Variants in NES observed in about 807,000 individuals in gnomAD.
The protein encoded by NES is nestin.
Under a neutral mutation model 35.6 loss-of-function variants are expected in NES, and 27 were observed. The observed-to-expected ratio is 0.76, with a 90% CI of 0.56 to 1.04. The LOEUF is 1.04. NES is among the 50% of genes least tolerant of loss of function. NES has a pLI of 0.00. For synonymous variants in NES, 822 were observed against 824.2 expected, an observed-to-expected ratio of 1.00 and a Z score of 0.04; for missense variants, 1,867 against 1,983.6, an observed-to-expected ratio of 0.94 and a Z score of 1.12.
chr1:156,671,899 T>C lies in NES; in HGVS notation c.2289A>G (p.Gln763=). 6.2e-7 allele frequency: 1 copy of C among 1,614,106 alleles called. No homozygotes were observed. Among genetic ancestry groups the C allele is most frequent in the Non-Finnish European group, 8.5e-7 (1 of 1,179,996 alleles). ...ETLRTLEKET[Q]QRRRSLGEQD... ...GTTCCCCTAGAGACCTCCGTCGCTGTTGAGTCTCTTTTTCAAGAGTTCTCA... is the reference window on the plus strand; with the variant it reads ...GTTCCCCTAGAGACCTCCGTCGCTGCTGAGTCTCTTTTTCAAGAGTTCTCA... The change falls in exon 4 of 4, where the codon CAA becomes CAG. Residue 763 remains glutamine, a synonymous_variant. Transcript: ENST00000368223.
Position 156,670,963 on chromosome 1 carries a change from A to G in NES, c.3225T>C (p.Gly1075=). The change falls in exon 4 of 4, where the codon GGT becomes GGC. Residue 1075 remains glycine (G), a synonymous_variant. Coordinates refer to ENST00000368223, the MANE Select transcript of NES (RefSeq NM_006617.2). The stretch of plus-strand genomic sequence containing the variant: ...ACATGACCTCTGGGGAGGCTTGGTC[A>G]CCCCCTGGGGCCACATCATCTTCCA... The part of the protein sequence containing the change: ...PLVEDDVAPG[G]DQASPEVMLG... 6.2e-7 allele frequency: 1 copy of G among 1,607,156 alleles called. No homozygotes were observed. Among genetic ancestry groups the G allele is most frequent in the Non-Finnish European group, 8.5e-7 (1 of 1,178,200 alleles).
At position 156,669,135 on chromosome 1, in the gene NES, C is replaced by T; in HGVS notation, c.*187G>A. Reference sequence around the variant, plus strand: ...GGGTGGGAGGTTATATTCCTACAGCCTCCATTCTTGGAGTAGGCTCCTTTG... The same window carrying T: ...GGGTGGGAGGTTATATTCCTACAGCTTCCATTCTTGGAGTAGGCTCCTTTG... On this transcript the variant is annotated 3_prime_UTR_variant, in exon 4 of 4. Coordinates refer to ENST00000368223, the MANE Select transcript of NES (RefSeq NM_006617.2). The T allele has an allele frequency of 2.1e-6, 1 of 478,194 alleles. No homozygotes were observed. The highest frequency in any genetic ancestry group is 3.7e-6 in the Non-Finnish European group (1 of 272,720). The allele number at this position is 478,194 out of a possible 1,614,324, so 29.6% of individuals were successfully genotyped here. A position where few individuals can be genotyped will look rare whatever the true frequency, so the allele number is the denominator to read the frequency against.
intron 2 of NES, among the ~76,000 whole-genome samples, chr1:156,674,967 G>A (rs752621410): frequency 5.3e-5 from 8 of 152,196 alleles, no homozygotes; most frequent in Non-Finnish European, 8.8e-5. Flanking sequence ...AGGCTGTCCC[G>A]CTCGGCAATA....
chr1:156,669,561 C>A lies in NES; in HGVS notation c.4627G>T (p.Glu1543Ter). 6.2e-7 allele frequency: 1 copy of A among 1,613,678 alleles called. No individual in the cohort carries two copies. The highest frequency in any genetic ancestry group is 8.5e-7 in the Non-Finnish European group (1 of 1,179,678). ...IGVNGQGPNL[E>*]GKSQHVNGGV... ...CCATTCACATGCTGTGACTTCCCCTCCAAGTTGGGACCCTGGCCATTAACA... is the reference window on the plus strand; with the variant it reads ...CCATTCACATGCTGTGACTTCCCCTACAAGTTGGGACCCTGGCCATTAACA... The change falls in exon 4 of 4, where the codon GAG becomes TAG. Residue 1543 changes from glutamate to a stop codon, truncating the protein, a stop_gained. Transcript: ENST00000368223. LOFTEE classifies it low-confidence loss of function (END_TRUNC).
rs149557132 is a variant in NES at position 156,670,630 on chromosome 1, C to T, written c.3558G>A (p.Ala1186=). 662 of 1,613,864 alleles carry T rather than the reference C, an allele frequency of 4.1e-4. No homozygotes were observed. The highest frequency in any genetic ancestry group is 5.1e-4 in the African/African-American group (38 of 75,004). The change falls in exon 4 of 4, where the codon GCG becomes GCA. Residue 1186 remains alanine, a synonymous_variant. Coordinates refer to ENST00000368223, the MANE Select transcript of NES (RefSeq NM_006617.2). ...TGTGGCCCAGGGTCTCAGCAGGGAACGCCTCCTCTGCTCCCCTGGGGGCCT... is the reference window on the plus strand; with the variant it reads ...TGTGGCCCAGGGTCTCAGCAGGGAATGCCTCCTCTGCTCCCCTGGGGGCCT... The part of the protein sequence containing the change: ...EAEAPRGAEE[A]FPAETLGHTG...
chr1:156,672,111 T>A lies in NES; in HGVS notation c.2077A>T (p.Thr693Ser), dbSNP rs1369366334. 3 of 1,610,994 alleles carry A rather than the reference T, an allele frequency of 1.9e-6. No individual in the cohort carries two copies. Among genetic ancestry groups the A allele is most frequent in the Non-Finnish European group, 2.5e-6 (3 of 1,179,298 alleles). The stretch of plus-strand genomic sequence containing the variant: ...CTCAGGGGTTCCTGATTCTCCTTTG[T>A]CAGAGGTCTCAGTGCCTCCTCATCC... ...VGDEEALRPL[T>S]KENQEPLRSL... The change falls in exon 4 of 4, where the codon ACA becomes TCA. Residue 693 changes from threonine to serine, a missense_variant. Transcript: ENST00000368223.
At position 156,672,087 on chromosome 1, in the gene NES, T is replaced by C. The variant is rs774960308; in HGVS notation, c.2101A>G (p.Arg701Gly). ...TCTTTGTTCTCATCTTCAAGAGACC[T>C]CAGGGGTTCCTGATTCTCCTTTGTC... ...PLTKENQEPLRSLEDENKEAF... is the reference protein window; with the variant it reads ...PLTKENQEPLGSLEDENKEAF... The change falls in exon 4 of 4, where the codon AGG (arginine) becomes GGG (glycine). Residue 701 changes from arginine to glycine, a missense_variant. Arg to Gly is a moderately radical substitution (Grantham distance 125). Transcript: ENST00000368223. 6.2e-7 allele frequency: 1 copy of C among 1,611,602 alleles called. No individual in the cohort carries two copies. The highest frequency in any genetic ancestry group is 1.1e-5 in the South Asian group (1 of 90,526).
rs1213149502 is a variant in NES at position 156,677,134 on chromosome 1, C to T, written c.131G>A (p.Arg44Gln). 5.0e-6 allele frequency: 8 copies of T among 1,608,736 alleles called. No individual in the cohort carries two copies. In the Admixed American group the frequency reaches 5.0e-5, roughly 10 times the overall value. Residue 44 changes from arginine to glutamine, a missense_variant, in exon 1 of 4, where the codon CGG becomes CAG. Transcript: ENST00000368223. This position sits in a 1 kb window ranked among gnomAD's most constrained non-coding sequence, Gnocchi z 4.5. ...ELLSAELGGL[R>Q]AQSADTSWRA... ...CCAGGAGGTGTCCGCGGATTGTGCC[C>T]GGAGCCCCCCGAGCTCCGCGCTGAG... is the stretch of plus-strand genomic sequence containing the variant.
intron 2 of NES, 152 bp downstream of exon 2, chr1:156,675,064 G>C (rs1647226932): frequency 6.4e-6 from 6 of 942,008 alleles, no homozygotes; most frequent in South Asian, 5.4e-5. Flanking sequence ...GGCAGGACAT[G>C]TTCCGGTGTG....
Position 156,676,111 on chromosome 1 carries a change from C to A in NES, c.783+371G>T, listed in dbSNP as rs904016186. ...TGAGGAACTTGGTGATTCTGAGTGG[C>A]CAGGCCACCAGATTCAGCGCAGAGG... On this transcript the variant is annotated intron_variant, in intron 1 of 3. Coordinates refer to ENST00000368223, the MANE Select transcript of NES (RefSeq NM_006617.2). This position sits in a 1 kb window ranked among gnomAD's most constrained non-coding sequence, Gnocchi z 5.3. Among the ~76,000 whole-genome samples the A allele has an allele frequency of 1.3e-5, 2 of 152,254 alleles. No homozygotes were observed. Among genetic ancestry groups the A allele is most frequent in the Non-Finnish European group, 2.9e-5 (2 of 68,044 alleles).
Position 156,670,885 on chromosome 1 carries a change from C to CCCCCCCCCCCGGG in NES, c.3302_3303insCCCGGGGGGGGGG (p.Gly1102ProfsTer44). 2 of 1,594,992 alleles carry CCCCCCCCCCCGGG rather than the reference C, an allele frequency of 1.3e-6. No individual in the cohort carries two copies. The highest frequency in any genetic ancestry group is 8.6e-7 in the Non-Finnish European group (1 of 1,163,628). ...CCCCCAGCCCTCCCACCCCCTGCCC[C>CCCCCCCCCCCGGG]GGGCCTGGCTCAGCTCCCGCAGCAG... On this transcript the variant is annotated frameshift_variant, in exon 4 of 4. Transcript: ENST00000368223. LOFTEE classifies it low-confidence loss of function (END_TRUNC).
In NES at chr1:156,672,946, CAGAG is replaced by C; in HGVS notation, c.1238_1241del (p.Ser413CysfsTer64). 6.2e-7 allele frequency: 1 copy of C among 1,614,052 alleles called. No individual in the cohort carries two copies. Among genetic ancestry groups the C allele is most frequent in the Non-Finnish European group, 8.5e-7 (1 of 1,180,030 alleles). ...GTTTCCTCCCACCCTGTGTCTGGAG[CAGAG>C]AGAGAGGAGCATCCTGGGCTCTGAT... On this transcript the variant is annotated frameshift_variant, in exon 4 of 4. Transcript: ENST00000368223. LOFTEE classifies it low-confidence loss of function (END_TRUNC).
Position 156,669,983 on chromosome 1 carries a change from G to C in NES, c.4205C>G (p.Ala1402Gly). 1 of 1,613,774 alleles carries C rather than the reference G, an allele frequency of 6.2e-7. No individual in the cohort carries two copies. The highest frequency in any genetic ancestry group is 1.1e-5 in the South Asian group (1 of 91,072). ...QVPQLLLDPA[A>G]WDRDGESDGF... ...ATCGGACTCCCCATCTCGATCCCAG[G>C]CTGCAGGATCCAGTAGCAGCTGGGG... Residue 1402 changes from alanine to glycine, a missense_variant, in exon 4 of 4, where the codon GCC (alanine) becomes GGC (glycine). Transcript: ENST00000368223.
chr1:156,672,363 CT>C lies in NES; in HGVS notation c.1824del (p.Glu609ArgfsTer3), dbSNP rs768849459. ...KDVEVVRPLE[K>X]EAVGQLKPTG... ...GTAGGCTTAAGTTGGCCTACAGCCTCTTTTTCTAGAGGTCTCACTACCTCCA... is the reference window on the plus strand; with the variant it reads ...GTAGGCTTAAGTTGGCCTACAGCCTCTTTTCTAGAGGTCTCACTACCTCCA... On this transcript the variant is annotated frameshift_variant, in exon 4 of 4. Transcript: ENST00000368223. LOFTEE classifies it low-confidence loss of function (END_TRUNC). The C allele has an allele frequency of 6.2e-7, 1 of 1,613,044 alleles. No homozygotes were observed. Among genetic ancestry groups the C allele is most frequent in the Non-Finnish European group, 8.5e-7 (1 of 1,179,882 alleles).
chr1:156,674,006 G>A (rs1026674231), intron 2 of NES, among the ~76,000 whole-genome samples: 3 of 152,230 alleles, frequency 2.0e-5, no homozygotes, highest in Non-Finnish European at 4.4e-5. Flanking sequence ...CTCCTTCCCC[G>A]GTGGCCCCCA....
rs772163909 is a variant in NES, at chr1:156,673,082, G to GGC, written c.1104_1105dup (p.Pro369ArgfsTer34). On this transcript the variant is annotated frameshift_variant, in exon 4 of 4. Transcript: ENST00000368223. LOFTEE classifies it low-confidence loss of function (END_TRUNC). ...GAATTCTTGGTTCTTAAGAAAGGCT[G>GGC]GCACAGGTGTCTCAAGGGTAGCAGG... The GGC allele has an allele frequency of 2.7e-5, 43 of 1,606,450 alleles. No homozygotes were observed.
rs1424116354 is a variant in NES, at chr1:156,669,209, T to C, written c.*113A>G. ...GGCCAGGCCTCTCAGCCAGAAACCA[T>C]ATGTCAAGAGATCGTAAGTTAAGAG... On this transcript the variant is annotated 3_prime_UTR_variant, in exon 4 of 4. Transcript: ENST00000368223. The C allele has an allele frequency of 1.4e-6, 1 of 703,630 alleles. No homozygotes were observed. The highest frequency in any genetic ancestry group is 2.2e-6 in the Non-Finnish European group (1 of 446,824). The allele number at this position is 703,630 out of a possible 1,614,324, so 43.6% of individuals were successfully genotyped here.
intron 1 of NES, among the ~76,000 whole-genome samples, chr1:156,675,706 A>G (rs1210156528): frequency 6.6e-6 from 1 of 152,206 alleles, no homozygotes; most frequent in Non-Finnish European, 1.5e-5. Context: ...CGAAAGCAGA[A>G]GGAAAAACGA....
chr1:156,674,871 G>C (rs1679809082), intron 2 of NES, among the ~76,000 whole-genome samples: 1 of 152,224 alleles, frequency 6.6e-6, no homozygotes, highest in South Asian at 2.1e-4. Context: ...GACCCCCTGG[G>C]TGCGGGCACA....
Sources: gnomAD v4.1 joint callset for allele counts (sites outside exome capture counted in the v4.1 genomes callset) on GRCh38, gnomAD v4.1.1 for gene constraint, Gnocchi (gnomAD v3.1) non-coding constraint, MANE v1.5 for transcripts, NCBI Gene and HGNC (gene_info 2026-07-23, HGNC 2026-07-21) for gene names.